FANCB: variants seen among roughly 807,000 people sequenced by gnomAD.
The protein encoded by FANCB is FA complementation group B.
Under a neutral mutation model 38.9 loss-of-function variants are expected in FANCB, and 5 were observed. The observed-to-expected ratio is 0.13, with a 90% CI of 0.07 to 0.27. The LOEUF is 0.27. FANCB is among the 10% of genes least tolerant of loss of function. The probability of loss-of-function intolerance (pLI) is 1.00; values close to 1 mark genes in which losing one functional copy is unlikely to be tolerated. For missense variants in FANCB, 573 were observed against 602.7 expected (o/e 0.95, Z 0.52); for synonymous variants, 236 against 215.4 (o/e 1.10, Z -0.84).
chrX:14,871,640 G>GTATATATATATA (rs751128085), intron 1 of FANCB, among the ~76,000 whole-genome samples: 1 of 73,501 alleles, frequency 1.4e-5, no homozygotes, highest in African/African-American at 5.6e-5. Flanking sequence ...GTGTGTGTGT[G>GTATATATATATA]TATATATATA....
At chrX:14,787,677 TTAAA>T in the FANCB span, among the ~76,000 whole-genome samples, 5 of 107,140 alleles carry the variant, frequency 4.7e-5, no homozygotes, top group Non-Finnish European at 9.6e-5. Flanking sequence ...ATTTGTCAAT[TTAAA>T]TAAATAAATA....
rs1298829619 is a variant in FANCB, at chrX:14,859,304, C to T, written c.982G>A (p.Val328Ile). 2 of 1,196,720 alleles carry T rather than the reference C, an allele frequency of 1.7e-6. No individual in the cohort carries two copies. The highest frequency in any genetic ancestry group is 2.2e-5 in the Admixed American group (1 of 45,874). ...CTTCCAATAAAGTCATCTATCAGTA[C>T]TAAGCTAAGTTTTTCCCATTTAGCA... is the stretch of plus-strand genomic sequence containing the variant. ...VAAKWEKLSL[V>I]LIDDFIGSGT... Residue 328 changes from valine to isoleucine, a missense_variant, in exon 4 of 10, where the codon GTA (valine) becomes ATA (isoleucine). By Grantham distance (29) the Val-to-Ile change is conservative (BLOSUM62 3). Transcript: ENST00000650831.
At chrX:14,710,107 C>T in the FANCB span, among the ~76,000 whole-genome samples, 1 of 111,802 alleles carries the variant, frequency 8.9e-6, no homozygotes, top group African/African-American at 3.3e-5. Flanking sequence ...GCGATTTCAT[C>T]ATGAACCTAA....
chrX:14,844,404 C>G, intron 9 of FANCB, 99 bp downstream of exon 9: 1 of 627,335 alleles, frequency 1.6e-6, no homozygotes. Flanking sequence ...ATTGCCATGG[C>G]AATAATACAA....
the FANCB span, among the ~76,000 whole-genome samples, chrX:14,802,215 A>G: frequency 9.0e-6 from 1 of 111,706 alleles, no homozygotes; most frequent in African/African-American, 3.3e-5. Flanking sequence ...CCAGTCAGAC[A>G]AGGGGGAGGA....
the FANCB span, among the ~76,000 whole-genome samples, chrX:14,751,377 T>C: frequency 1.8e-5 from 2 of 112,209 alleles, no homozygotes; most frequent in Admixed American, 9.4e-5. Flanking sequence ...GAGCAGAAGA[T>C]ACAACAGAAT....
chrX:14,756,681 G>A, the FANCB span, among the ~76,000 whole-genome samples: 11 of 111,187 alleles, frequency 9.9e-5, no homozygotes, highest in African/African-American at 3.3e-4. Context: ...TGAGAAGCTC[G>A]GGCAGCGGTC....
the FANCB span, among the ~76,000 whole-genome samples, chrX:14,717,928 G>A: frequency 9.0e-6 from 1 of 111,166 alleles, no homozygotes; most frequent in Non-Finnish European, 1.9e-5. Context: ...ACAGAGGAGA[G>A]ATAGGCTGAT....
the FANCB span, among the ~76,000 whole-genome samples, chrX:14,737,192 A>T: frequency 1.3e-4 from 15 of 111,197 alleles, no homozygotes; most frequent in Non-Finnish European, 2.5e-4. Flanking sequence ...GGAACCATAA[A>T]ATCTTAAGGT....
At chrX:14,771,932 C>T in the FANCB span, among the ~76,000 whole-genome samples, 1 of 111,569 alleles carries the variant, frequency 9.0e-6, no homozygotes, top group Non-Finnish European at 1.9e-5. Flanking sequence ...GGAGGTATCA[C>T]CAGTGAAGGC....
chrX:14,775,170 T>G, the FANCB span, among the ~76,000 whole-genome samples: 1 of 95,027 alleles, frequency 1.1e-5, no homozygotes, highest in Non-Finnish European at 2.1e-5. Flanking sequence ...GTTTTTTTTT[T>G]TTTTTTTTTT....
chrX:14,787,876 A>AATAT, the FANCB span, among the ~76,000 whole-genome samples: 358 of 41,577 alleles, frequency 8.6e-3, 7 homozygotes, highest in African/African-American at 0.013. Context: ...TTAAAAATAG[A>AATAT]ATATATATAT....
the FANCB span, among the ~76,000 whole-genome samples, chrX:14,787,615 G>C: frequency 9.2e-6 from 1 of 108,876 alleles, no homozygotes; most frequent in African/African-American, 3.3e-5. Context: ...TTTCTATAAC[G>C]TATAAATAGA....
intron 8 of FANCB, 24 bp from the exon 9 acceptor site, chrX:14,844,764 A>G (rs747625701): frequency 2.0e-5 from 23 of 1,155,752 alleles, no homozygotes; most frequent in Admixed American, 1.3e-4. Flanking sequence ...CACAAGCTCT[A>G]TCATTAAACT....
the FANCB span, chrX:14,690,892 G>A: frequency 1.3e-5 from 16 of 1,187,606 alleles, no homozygotes; most frequent in East Asian, 3.0e-5. Flanking sequence ...ACAATGTAGA[G>A]CTTGAGTTGG....
At chrX:14,724,331 A>G in the FANCB span, among the ~76,000 whole-genome samples, 1 of 110,971 alleles carries the variant, frequency 9.0e-6, no homozygotes, top group East Asian at 2.8e-4. Context: ...ATTTGTTAAA[A>G]ATGTGAGAAA....
At chrX:14,871,020 T>C in intron 1 of FANCB, among the ~76,000 whole-genome samples, 1 of 111,592 alleles carries the variant, frequency 9.0e-6, no homozygotes, top group Admixed American at 9.6e-5. Context: ...ATAGGGCCAC[T>C]GTTAAAAGTT....
chrX:14,837,863 C>T, intron 10 of FANCB, among the ~76,000 whole-genome samples: 1 of 111,949 alleles, frequency 8.9e-6, no homozygotes, highest in Non-Finnish European at 1.9e-5. Flanking sequence ...TATTATTTAA[C>T]CTGTCTCAGT....
At chrX:14,804,963 A>G in the FANCB span, among the ~76,000 whole-genome samples, 1 of 112,272 alleles carries the variant, frequency 8.9e-6, no homozygotes, top group Admixed American at 9.4e-5. Flanking sequence ...CAAAGGCTGT[A>G]GTTTGGCAAA....
Sources: allele counts gnomAD v4.1 joint callset (sites outside exome capture counted in the v4.1 genomes callset), GRCh38; gene constraint gnomAD v4.1.1; transcripts MANE v1.5; gene names NCBI Gene and HGNC (gene_info 2026-07-23, HGNC 2026-07-21).